The following KDM4A variants were observed in gnomAD, a reference collection of about 807,000 sequenced individuals.
KDM4A encodes lysine demethylase 4A, also known as lysine-specific demethylase 4A.
Under a neutral mutation model 127.1 loss-of-function variants are expected in KDM4A, and 23 were observed. That is an observed-to-expected ratio of 0.18 (90% CI 0.13 to 0.26). The LOEUF is 0.26. KDM4A is among the 10% of genes least tolerant of loss of function. KDM4A has a pLI of 1.00. For missense variants in KDM4A, 890 were observed against 1,329.1 expected (o/e 0.67, Z 5.14); for synonymous variants, 443 against 466.5 (o/e 0.95, Z 0.65).
At chr1:43,691,374 A>C in intron 14 of KDM4A, 122 bp from the exon 15 acceptor site, 1 of 880,778 alleles carries the variant, frequency 1.1e-6, no homozygotes. Flanking sequence ...ACTAAAGAAA[A>C]CTAAGGGGTT....
chr1:43,661,643 A>ATTCCAGTTT (rs1283154102), intron 4 of KDM4A, among the ~76,000 whole-genome samples: 3 of 147,052 alleles, frequency 2.0e-5, no homozygotes, highest in African/African-American at 7.4e-5. Context: ...AAAAAAAAGA[A>ATTCCAGTTT]TTCCAGTTTT....
At position 43,655,770 on chromosome 1, in the gene KDM4A, A is replaced by G. The variant is rs2154046349; in HGVS notation, c.314+4A>G. On this transcript the variant is annotated splice_donor_region_variant and intron_variant, in intron 3 of 21. Transcript: ENST00000372396. ...GCAAGATAGCCAATAGCGATAAGTG[A>G]GTGGAAACCCTTTCTTACCTGACAT... 1 of 1,603,924 alleles carries G rather than the reference A, an allele frequency of 6.2e-7. No individual in the cohort carries two copies. Among genetic ancestry groups the G allele is most frequent in the Non-Finnish European group, 8.5e-7 (1 of 1,173,666 alleles).
intron 11 of KDM4A, among the ~76,000 whole-genome samples, chr1:43,675,911 AAAAAT>A (rs1326575034): frequency 1.3e-5 from 2 of 151,760 alleles, no homozygotes; most frequent in Non-Finnish European, 2.9e-5. Context: ...CATCTCTACT[AAAAAT>A]AGAAAAATTA....
chr1:43,670,292 C>G (rs1173514887), intron 10 of KDM4A, among the ~76,000 whole-genome samples: 1 of 152,164 alleles, frequency 6.6e-6, no homozygotes, highest in Non-Finnish European at 1.5e-5. Context: ...TGGACTGACA[C>G]CCTGGGCTGG....
chr1:43,689,821 C>T (rs1236023395), intron 13 of KDM4A, among the ~76,000 whole-genome samples: 1 of 152,190 alleles, frequency 6.6e-6, no homozygotes, highest in African/African-American at 2.4e-5. Context: ...CCTGGCAGGG[C>T]CCCAGATTCA....
At position 43,692,350 on chromosome 1, in the gene KDM4A, A is replaced by G; in HGVS notation, c.2375+39A>G. On this transcript the variant is annotated intron_variant, in intron 16 of 21. Coordinates refer to ENST00000372396, the MANE Select transcript of KDM4A (RefSeq NM_014663.3). ...GCAGTGCCTTGGAATGCACAGGCTCAGTTCCGAAGCACACAGTGTCTTTGT... is the reference window on the plus strand; with the variant it reads ...GCAGTGCCTTGGAATGCACAGGCTCGGTTCCGAAGCACACAGTGTCTTTGT... The G allele has an allele frequency of 1.9e-6, 3 of 1,561,418 alleles. No individual in the cohort carries two copies. In the South Asian group the frequency reaches 3.3e-5, roughly 17 times the overall value.
chr1:43,667,733 G>A, intron 8 of KDM4A, 39 bp from the exon 9 acceptor site: 1 of 1,612,760 alleles, frequency 6.2e-7, no homozygotes, highest in Non-Finnish European at 8.5e-7. Context: ...GAAGCAGCAA[G>A]GTATGCTCAC....
rs1406938172 is a variant in KDM4A at position 43,693,901 on chromosome 1, G to C, written c.2376-93G>C. The stretch of plus-strand genomic sequence containing the variant: ...GCTGGTGGAAGTCAGTGGTCACCCA[G>C]GTGAGGGAGGAAGCGCTGTCAGCAG... On this transcript the variant is annotated intron_variant, in intron 16 of 21. Coordinates refer to ENST00000372396, the MANE Select transcript of KDM4A (RefSeq NM_014663.3). The surrounding 1 kb of genome is among the most constrained non-coding windows in gnomAD (Gnocchi z 4.2). 1 of 965,218 alleles carries C rather than the reference G, an allele frequency of 1.0e-6. No individual in the cohort carries two copies. Among genetic ancestry groups the C allele is most frequent in the Non-Finnish European group, 1.6e-6 (1 of 615,440 alleles). The allele number at this position is 965,218 out of a possible 1,614,324, so 59.8% of individuals were successfully genotyped here.
intron 2 of KDM4A, 101 bp downstream of exon 2, chr1:43,653,414 G>A: frequency 8.3e-7 from 1 of 1,211,106 alleles, no homozygotes; most frequent in Admixed American, 2.4e-5. Flanking sequence ...TGAAAGTTGG[G>A]TGGGGTGATG....
chr1:43,693,946 A>C lies in KDM4A; in HGVS notation c.2376-48A>C. ...CAGCAGGCCCAAAAGAGAAGGCCAC[A>C]GAGCCTTGGGCCCAGAGGTGACTGA... is the stretch of plus-strand genomic sequence containing the variant. On this transcript the variant is annotated intron_variant, in intron 16 of 21. Coordinates refer to ENST00000372396, the MANE Select transcript of KDM4A (RefSeq NM_014663.3). The surrounding 1 kb of genome is among the most constrained non-coding windows in gnomAD (Gnocchi z 4.2). 2 of 1,525,028 alleles carry C rather than the reference A, an allele frequency of 1.3e-6. No individual in the cohort carries two copies. Among genetic ancestry groups the C allele is most frequent in the Non-Finnish European group, 1.8e-6 (2 of 1,100,608 alleles). 94.5% of individuals were successfully genotyped at this position (1,525,028 alleles called of 1,614,324 possible). A position where few individuals can be genotyped will look rare whatever the true frequency, so the allele number is the denominator to read the frequency against.
intron 2 of KDM4A, among the ~76,000 whole-genome samples, chr1:43,654,702 AGTGTGTGTGTGTGTGTGTGTGTGT>A (rs58710892): frequency 7.6e-6 from 1 of 131,874 alleles, no homozygotes; most frequent in Non-Finnish European, 1.7e-5. Flanking sequence ...GATGCTTGTG[AGTGTGTGTGTGTGTGTGTGTGTGT>A]GTGTGTGTGT....
Position 43,693,359 on chromosome 1 carries a change from G to C in KDM4A, c.2376-635G>C, listed in dbSNP as rs1570869916. On this transcript the variant is annotated intron_variant, in intron 16 of 21. Transcript: ENST00000372396. This position sits in a 1 kb window ranked among gnomAD's most constrained non-coding sequence, Gnocchi z 4.2. ...GTTTTCACGTAGCATGGTTTTAAGA[G>C]TTGTCACCATTTTCGTTCTTCTCCT... Among the ~76,000 whole-genome samples, 1 of 152,206 alleles carries C rather than the reference G, an allele frequency of 6.6e-6. No individual in the cohort carries two copies. The highest frequency in any genetic ancestry group is 1.9e-4 in the East Asian group (1 of 5,198).
intron 14 of KDM4A, 90 bp downstream of exon 14, chr1:43,691,139 CA>C: frequency 1.5e-6 from 2 of 1,318,538 alleles, no homozygotes; most frequent in Non-Finnish European, 1.1e-6. Flanking sequence ...CTCCCAGCCC[CA>C]AAAAGATTGT....
At chr1:43,703,511 C>T in intron 19 of KDM4A, 106 bp from the exon 20 acceptor site, 1 of 1,440,494 alleles carries the variant, frequency 6.9e-7, no homozygotes, top group Middle Eastern at 2.6e-4. Flanking sequence ...GCCTTGCTCT[C>T]TAAAACAGTT....
chr1:43,660,441 G>T (rs367561430), intron 4 of KDM4A, 29 bp downstream of exon 4: 1 of 1,564,542 alleles, frequency 6.4e-7, no homozygotes, highest in Admixed American at 1.9e-5. Flanking sequence ...CCTCTGTGCA[G>T]TGTTTTTGTA....
In KDM4A at chr1:43,665,730, G is replaced by A. The variant is rs746865217; in HGVS notation, c.658G>A (p.Glu220Lys). The change falls in exon 6 of 22, where the codon GAA becomes AAA. Residue 220 changes from glutamate (E) to lysine (K), a missense_variant. Transcript: ENST00000372396. Reference protein sequence around the residue: ...SVPPEHGKRLERLAKGFFPGS... With the variant: ...SVPPEHGKRLKRLAKGFFPGS... ...TCCACCTGAGCATGGAAAGCGGTTG[G>A]AACGCCTCGCCAAAGGTACTGTGTC... is the stretch of plus-strand genomic sequence containing the variant. 6.2e-7 allele frequency: 1 copy of A among 1,614,068 alleles called. No individual in the cohort carries two copies. Among genetic ancestry groups the A allele is most frequent in the Non-Finnish European group, 8.5e-7 (1 of 1,179,984 alleles).
At chr1:43,703,768 G>C (rs1661470669) in intron 20 of KDM4A, 32 bp downstream of exon 20, 2 of 1,612,982 alleles carry the variant, frequency 1.2e-6, no homozygotes, top group Non-Finnish European at 1.7e-6. Flanking sequence ...TAGGGAGTGG[G>C]GGGTGCTTGA....
chr1:43,673,887 A>G (rs1321577233), intron 11 of KDM4A, among the ~76,000 whole-genome samples: 1 of 152,236 alleles, frequency 6.6e-6, no homozygotes, highest in Admixed American at 6.5e-5. Context: ...TTCTAGTTGC[A>G]ATCACAATCA....
At chr1:43,680,995 C>T (rs1660844902) in intron 11 of KDM4A, among the ~76,000 whole-genome samples, 1 of 152,200 alleles carries the variant, frequency 6.6e-6, no homozygotes, top group East Asian at 1.9e-4. Context: ...AAGCCAAGCT[C>T]ATGAAGCCCC....
Sources: allele counts gnomAD v4.1 joint callset (sites outside exome capture counted in the v4.1 genomes callset), GRCh38; gene constraint gnomAD v4.1.1; non-coding constraint Gnocchi (gnomAD v3.1); transcripts MANE v1.5; gene names NCBI Gene and HGNC (gene_info 2026-07-23, HGNC 2026-07-21).